The following SUGCT variants were observed in gnomAD, a reference collection of about 807,000 sequenced individuals.
The protein encoded by SUGCT is succinyl-CoA:glutarate CoA-transferase.
SUGCT carries 41 observed loss-of-function variants against 55.0 expected under a neutral mutation model. That is an observed-to-expected ratio of 0.74 (90% CI 0.58 to 0.97). The LOEUF is 0.97. Among genes scored for constraint, SUGCT ranks in the 50% least tolerant of loss-of-function variants. The pLI, the probability that SUGCT is intolerant of heterozygous loss-of-function variation, is 0.00. For synonymous variants in SUGCT, 187 were observed against 200.4 expected (o/e 0.93, Z 0.56); for missense variants, 568 against 547.8 (o/e 1.04, Z -0.37).
chr7:40,528,896 T>C (rs568794201), intron 12 of SUGCT, among the ~76,000 whole-genome samples: 8 of 152,304 alleles, frequency 5.3e-5, no homozygotes, highest in Non-Finnish European at 1.0e-4. Context: ...AAGATGGCAG[T>C]CTTCAAGCAA....
At chr7:40,883,382 CT>C in the SUGCT span, among the ~76,000 whole-genome samples, 1 of 152,152 alleles carries the variant, frequency 6.6e-6, no homozygotes, top group Non-Finnish European at 1.5e-5. Context: ...AATTGGGACT[CT>C]TCGAGTTTCT....
At chr7:40,678,762 A>G (rs190543722) in intron 12 of SUGCT, among the ~76,000 whole-genome samples, 224 of 152,246 alleles carry the variant, frequency 1.5e-3, no homozygotes, top group Non-Finnish European at 2.0e-3. Context: ...TAGGGCAGAT[A>G]TTTTTTCCTA....
chr7:40,993,007 T>C, the SUGCT span, among the ~76,000 whole-genome samples: 1 of 152,118 alleles, frequency 6.6e-6, no homozygotes, highest in Non-Finnish European at 1.5e-5. Flanking sequence ...GGGAAATTGG[T>C]TCCCTGGTAT....
chr7:40,969,081 T>C, the SUGCT span, among the ~76,000 whole-genome samples: 1 of 152,216 alleles, frequency 6.6e-6, no homozygotes, highest in African/African-American at 2.4e-5. Context: ...GAACCTGTAA[T>C]GGCAAAGAAG....
rs1366064588 is a variant in SUGCT at position 40,194,935 on chromosome 7, A to G, written c.364-5A>G. 1.2e-6 allele frequency: 2 copies of G among 1,612,112 alleles called. No homozygotes were observed. The highest frequency in any genetic ancestry group is 2.2e-5 in the East Asian group (1 of 44,834). On this transcript the variant is annotated splice_region_variant and splice_polypyrimidine_tract_variant and intron_variant, in intron 5 of 13. Coordinates refer to ENST00000335693, the MANE Select transcript of SUGCT (RefSeq NM_001193313.2). Reference sequence around the variant, plus strand: ...AGTCTGACTCATGTTCACCTCTTCCATCAGCTTGCAGCTGTTTGTGATGTG... The same window carrying G: ...AGTCTGACTCATGTTCACCTCTTCCGTCAGCTTGCAGCTGTTTGTGATGTG...
chr7:40,808,533 G>A (rs187033921), intron 13 of SUGCT: 1 of 152,202 alleles, frequency 6.6e-6, no homozygotes, highest in African/African-American at 2.4e-5. Context: ...GTTTCACAAA[G>A]CCCAGTTGGT....
chr7:40,731,997 T>C (rs1293913277), intron 12 of SUGCT, among the ~76,000 whole-genome samples: 5 of 152,316 alleles, frequency 3.3e-5, no homozygotes, highest in Admixed American at 2.0e-4. Context: ...TGATAATCTA[T>C]GAGGATATAT....
At chr7:40,791,036 C>T (rs1790283373) in intron 13 of SUGCT, among the ~76,000 whole-genome samples, 1 of 152,146 alleles carries the variant, frequency 6.6e-6, no homozygotes, top group South Asian at 2.1e-4. Flanking sequence ...GTCAAAAGAG[C>T]AGAGAGAGCT....
At chr7:40,282,294 T>A (rs1211916408) in intron 8 of SUGCT, among the ~76,000 whole-genome samples, 2 of 151,624 alleles carry the variant, frequency 1.3e-5, no homozygotes, top group Non-Finnish European at 2.9e-5. Context: ...GTAGTGAAAC[T>A]CCATCTCTAC....
intron 12 of SUGCT, among the ~76,000 whole-genome samples, chr7:40,505,761 G>T (rs1402557111): frequency 6.6e-6 from 1 of 151,748 alleles, no homozygotes; most frequent in African/African-American, 2.4e-5. Context: ...ATCTTTTATG[G>T]AAGCTGGTGA....
At chr7:40,388,964 G>C (rs1052713319) in intron 9 of SUGCT, among the ~76,000 whole-genome samples, 1 of 152,142 alleles carries the variant, frequency 6.6e-6, no homozygotes, top group Non-Finnish European at 1.5e-5. Context: ...TTTATTGTGA[G>C]AAAACCTGCT....
At chr7:40,983,487 T>C in the SUGCT span, among the ~76,000 whole-genome samples, 1 of 152,212 alleles carries the variant, frequency 6.6e-6, no homozygotes, top group African/African-American at 2.4e-5. Context: ...TAGCACAAAG[T>C]CCTGCCGGCA....
intron 6 of SUGCT, among the ~76,000 whole-genome samples, chr7:40,214,607 T>C (rs1351612560): frequency 6.6e-6 from 1 of 151,916 alleles, no homozygotes; most frequent in East Asian, 1.9e-4. Flanking sequence ...GGGTCTAAAT[T>C]GAGATTCAGT....
intron 12 of SUGCT, among the ~76,000 whole-genome samples, chr7:40,521,124 A>G (rs1378541285): frequency 1.3e-5 from 2 of 152,078 alleles, no homozygotes; most frequent in Non-Finnish European, 2.9e-5. Flanking sequence ...GCTAAACCTC[A>G]TGTTCAGTTT....
chr7:40,552,579 T>C (rs1194038960), intron 12 of SUGCT, among the ~76,000 whole-genome samples: 1 of 152,162 alleles, frequency 6.6e-6, no homozygotes, highest in Non-Finnish European at 1.5e-5. Context: ...TCATTTCCTT[T>C]GTCAGCATGA....
intron 12 of SUGCT, among the ~76,000 whole-genome samples, chr7:40,662,093 C>T (rs900619967): frequency 6.6e-6 from 1 of 152,358 alleles, no homozygotes; most frequent in South Asian, 2.1e-4. Flanking sequence ...AAGCTTTTCT[C>T]TTTTCAGCAA....
chr7:40,562,466 G>A (rs1266932713), intron 12 of SUGCT, among the ~76,000 whole-genome samples: 1 of 152,090 alleles, frequency 6.6e-6, no homozygotes, highest in Non-Finnish European at 1.5e-5. Flanking sequence ...AGGCCATAAG[G>A]TGTAGATCTA....
chr7:41,001,934 A>G, the SUGCT span, among the ~76,000 whole-genome samples: 14 of 152,252 alleles, frequency 9.2e-5, no homozygotes, highest in Non-Finnish European at 2.1e-4. Context: ...TGATTTAGCC[A>G]AGGCAGGAGC....
intron 12 of SUGCT, among the ~76,000 whole-genome samples, chr7:40,652,171 A>G (rs1172610198): frequency 2.0e-5 from 3 of 152,120 alleles, no homozygotes; most frequent in Non-Finnish European, 4.4e-5. Flanking sequence ...CCTTTTACTT[A>G]TCTTCAAACA....
Sources: gnomAD v4.1 joint callset for allele counts (sites outside exome capture counted in the v4.1 genomes callset) on GRCh38, gnomAD v4.1.1 for gene constraint, MANE v1.5 for transcripts, NCBI Gene and HGNC (gene_info 2026-07-23, HGNC 2026-07-21) for gene names.